DERL3: variants seen among roughly 807,000 people sequenced by gnomAD.
DERL3 encodes derlin 3.
A neutral mutation model predicts 23.8 loss-of-function variants in DERL3; 20 were observed. The observed-to-expected ratio is 0.84, with a 90% CI of 0.59 to 1.22. The LOEUF (loss-of-function observed/expected upper bound fraction) is 1.22. Among genes scored for constraint, DERL3 ranks in the 50% most tolerant of loss-of-function variants. The pLI is 0.00. For missense variants in DERL3, 319 were observed against 304.1 expected, an observed-to-expected ratio of 1.05 and a Z score of -0.36; for synonymous variants, 145 against 132.5, an observed-to-expected ratio of 1.09 and a Z score of -0.65.
chr22:23,838,703 G>A lies in DERL3; in HGVS notation c.159+8C>T. The A allele has an allele frequency of 1.9e-6, 3 of 1,549,452 alleles. No individual in the cohort carries two copies. The highest frequency in any genetic ancestry group is 2.6e-6 in the Non-Finnish European group (3 of 1,146,286). On this transcript the variant is annotated splice_region_variant and intron_variant, in intron 2 of 6. Coordinates refer to ENST00000318109, the MANE Select transcript of DERL3 (RefSeq NM_001002862.3). ...GGCCCACAGGTGCGCGGCGCGGGGC[G>A]GCCTCACCTGGAACTTCCGGAACAC...
rs769554696 is a variant in DERL3, at chr22:23,838,477, C to T, written c.234-32G>A. 6 of 1,581,030 alleles carry T rather than the reference C, an allele frequency of 3.8e-6. No homozygotes were observed. In the East Asian group the frequency reaches 1.2e-4, roughly 31 times the overall value. ...CGTCGGTATAGGAAGTGCCACCAGGCGGGGCCTCAGTTTCCCCGTCCCGGC... is the reference window on the plus strand; with the variant it reads ...CGTCGGTATAGGAAGTGCCACCAGGTGGGGCCTCAGTTTCCCCGTCCCGGC... On this transcript the variant is annotated intron_variant, in intron 3 of 6. Transcript: ENST00000318109.
In DERL3 at chr22:23,836,745, C is replaced by T; in HGVS notation, c.*124G>A. ...GTGGGCCAAGAGACTGCAGCTCATTCTGTTTATTCAGGTGGGCCCTTGCAT... is the reference window on the plus strand; with the variant it reads ...GTGGGCCAAGAGACTGCAGCTCATTTTGTTTATTCAGGTGGGCCCTTGCAT... On this transcript the variant is annotated 3_prime_UTR_variant, in exon 7 of 7. Coordinates refer to ENST00000318109, the MANE Select transcript of DERL3 (RefSeq NM_001002862.3). 1 of 1,372,176 alleles carries T rather than the reference C, an allele frequency of 7.3e-7. No homozygotes were observed. The highest frequency in any genetic ancestry group is 2.9e-5 in the East Asian group (1 of 34,572). The allele number at this position is 1,372,176 out of a possible 1,614,324, so 85.0% of individuals were successfully genotyped here.
Position 23,837,632 on chromosome 22 carries a change from G to A in DERL3, c.523+27C>T, listed in dbSNP as rs5760063. On this transcript the variant is annotated intron_variant, in intron 5 of 6. Coordinates refer to ENST00000318109, the MANE Select transcript of DERL3 (RefSeq NM_001002862.3). ...TCCTGAGGGGAGTGGCCAGCCTGGG[G>A]CGGACTAGATGTACCGGGAGGCTCA... 5.2e-3 allele frequency: 8,380 copies of A among 1,602,996 alleles called. 255 individuals are homozygous for A. In the East Asian group the frequency reaches 0.08, roughly 15 times the overall value.
At chr22:23,838,862 C>G in intron 1 of DERL3, 33 bp downstream of exon 1, 1 of 1,551,232 alleles carries the variant, frequency 6.4e-7, no homozygotes, top group Non-Finnish European at 8.7e-7. Flanking sequence ...GAGGCTGTAA[C>G]CAAGGCGACG....
rs1030011812 is a variant in DERL3 at position 23,835,925 on chromosome 22, C to T, written c.*944G>A. On this transcript the variant is annotated 3_prime_UTR_variant, in exon 7 of 7. Transcript: ENST00000318109. ...ATCTCCACAAGGTCTGGCTACAACA[C>T]GGAGGGCAGACTCAACAGAGAACAG... The T allele has an allele frequency of 3.0e-5, 30 of 985,482 alleles. No homozygotes were observed. Among genetic ancestry groups the T allele is most frequent in the Middle Eastern group, 5.2e-4 (1 of 1,914 alleles). The allele number at this position is 985,482 out of a possible 1,614,324, so 61.0% of individuals were successfully genotyped here. A position where few individuals can be genotyped will look rare whatever the true frequency, so the allele number is the denominator to read the frequency against.
Position 23,835,117 on chromosome 22 carries a change from C to T in DERL3, c.*1752G>A, listed in dbSNP as rs998694062. The T allele has an allele frequency of 1.5e-5, 20 of 1,370,494 alleles. No homozygotes were observed. The African/African-American group carries it at 2.8e-4, about 19-fold the overall frequency. 84.9% of individuals were successfully genotyped at this position (1,370,494 alleles called of 1,614,324 possible). On this transcript the variant is annotated 3_prime_UTR_variant, in exon 7 of 7. Coordinates refer to ENST00000318109, the MANE Select transcript of DERL3 (RefSeq NM_001002862.3). Reference sequence around the variant, plus strand: ...AGCTGTGAGGAATATGGGAATAGCCCTCCCGGCCTGGTGCCAGCTCTTGGA... The same window carrying T: ...AGCTGTGAGGAATATGGGAATAGCCTTCCCGGCCTGGTGCCAGCTCTTGGA...
chr22:23,836,543 AAAAGCTCTGCCTGGCAACCTGTGAGCTC>A lies in DERL3; in HGVS notation c.*298_*325del, dbSNP rs2031063503. On this transcript the variant is annotated 3_prime_UTR_variant, in exon 7 of 7. Coordinates refer to ENST00000318109, the MANE Select transcript of DERL3 (RefSeq NM_001002862.3). ...CCCTGAGCCTGTCACCTGTGAGCTC[AAAAGCTCTGCCTGGCAACCTGTGAGCTC>A]AAAGCTCTGCCAGGCAACCATGGGC... The A allele has an allele frequency of 6.6e-6, 7 of 1,061,966 alleles. No individual in the cohort carries two copies. Among genetic ancestry groups the A allele is most frequent in the Middle Eastern group, 4.2e-4 (1 of 2,360 alleles). The allele number at this position is 1,061,966 out of a possible 1,614,324, so 65.8% of individuals were successfully genotyped here. A position where few individuals can be genotyped will look rare whatever the true frequency, so the allele number is the denominator to read the frequency against.
In DERL3 at chr22:23,835,141, G is replaced by C; in HGVS notation, c.*1728C>G. Reference sequence around the variant, plus strand: ...CCTCCCGGCCTGGTGCCAGCTCTTGGAGTTGACACGGTACAGGGAGGAGAC... The same window carrying C: ...CCTCCCGGCCTGGTGCCAGCTCTTGCAGTTGACACGGTACAGGGAGGAGAC... On this transcript the variant is annotated 3_prime_UTR_variant, in exon 7 of 7. Transcript: ENST00000318109. The C allele has an allele frequency of 4.4e-6, 6 of 1,367,910 alleles. No individual in the cohort carries two copies. Among genetic ancestry groups the C allele is most frequent in the Non-Finnish European group, 5.6e-6 (6 of 1,063,480 alleles). The allele number at this position is 1,367,910 out of a possible 1,614,324, so 84.7% of individuals were successfully genotyped here. A position where few individuals can be genotyped will look rare whatever the true frequency, so the allele number is the denominator to read the frequency against.
chr22:23,836,881 G>C lies in DERL3; in HGVS notation c.696C>G (p.Pro232=). Residue 232 remains proline, a synonymous_variant, in exon 7 of 7, where the codon CCC becomes CCG. Transcript: ENST00000318109. ...PEEQPGPHLP[P]PQQ ...CCCTGGGTGGGGGTCACTGCTGCGG[G>C]GGTGGCAGATGGGGTCCTGGCTGTT... 6.8e-7 allele frequency: 1 copy of C among 1,476,626 alleles called. No individual in the cohort carries two copies. The highest frequency in any genetic ancestry group is 9.0e-7 in the Non-Finnish European group (1 of 1,111,788). The allele number at this position is 1,476,626 out of a possible 1,614,324, so 91.5% of individuals were successfully genotyped here.
intron 5 of DERL3, 41 bp from the exon 6 acceptor site, chr22:23,837,195 C>T (rs376608856): frequency 1.9e-6 from 3 of 1,609,072 alleles, no homozygotes; most frequent in Admixed American, 1.7e-5. Context: ...CCTCCACAGC[C>T]CAGAGTCCTA....
In DERL3 at chr22:23,838,993, C is replaced by T. The variant is rs376679563; in HGVS notation, c.-6G>A. On this transcript the variant is annotated 5_prime_UTR_variant, in exon 1 of 7. Transcript: ENST00000318109. Reference sequence around the variant, plus strand: ...GCTAGTCCCTGCCACGCCATTGAACCTTCTCAAGCACGCGTGGCCCAGCCA... The same window carrying T: ...GCTAGTCCCTGCCACGCCATTGAACTTTCTCAAGCACGCGTGGCCCAGCCA... 1.3e-6 allele frequency: 2 copies of T among 1,567,210 alleles called. No individual in the cohort carries two copies. The highest frequency in any genetic ancestry group is 2.3e-5 in the East Asian group (1 of 42,690).
At position 23,834,771 on chromosome 22, in the gene DERL3, G is replaced by A; in HGVS notation, c.*2098C>T. The A allele has an allele frequency of 7.0e-7, 1 of 1,436,004 alleles. No homozygotes were observed. The highest frequency in any genetic ancestry group is 1.2e-5 in the South Asian group (1 of 80,510). 89.0% of individuals were successfully genotyped at this position (1,436,004 alleles called of 1,614,324 possible). ...GAGAAGAGTAGCTGTGAGGCTCAGG[G>A]CAAGAGGCTCTCTGCCTTTCAGGAA... On this transcript the variant is annotated 3_prime_UTR_variant, in exon 7 of 7. Transcript: ENST00000318109.
rs143512856 is a variant in DERL3 at position 23,838,398 on chromosome 22, G to A, written c.281C>T (p.Thr94Met). The A allele has an allele frequency of 2.5e-6, 4 of 1,609,896 alleles. No individual in the cohort carries two copies. Among genetic ancestry groups the A allele is most frequent in the Admixed American group, 1.7e-5 (1 of 59,550 alleles). Residue 94 changes from threonine (T) to methionine (M), a missense_variant, in exon 4 of 7, where the codon ACG (threonine) becomes ATG (methionine). Transcript: ENST00000318109. ...MLEEGSFRGR[T>M]ADFVFMFLFG... ...GAGAAACATGAAGACGAAGTCGGCC[G>A]TGCGGCCGCGGAAGGAGCCCTCTTC...
chr22:23,834,858 C>G lies in DERL3; in HGVS notation c.*2011G>C. 1 of 1,612,504 alleles carries G rather than the reference C, an allele frequency of 6.2e-7. No homozygotes were observed. Among genetic ancestry groups the G allele is most frequent in the Non-Finnish European group, 8.5e-7 (1 of 1,179,770 alleles). On this transcript the variant is annotated 3_prime_UTR_variant, in exon 7 of 7. Coordinates refer to ENST00000318109, the MANE Select transcript of DERL3 (RefSeq NM_001002862.3). ...AGGTGCCGCGAGCTCTCCTGCCGTC[C>G]CTGGGCCGCCCTGGCTCTGCTGTGT...
rs1269526398 is a variant in DERL3 at position 23,834,780 on chromosome 22, T to G, written c.*2089A>C. On this transcript the variant is annotated 3_prime_UTR_variant, in exon 7 of 7. Coordinates refer to ENST00000318109, the MANE Select transcript of DERL3 (RefSeq NM_001002862.3). ...AGCTGTGAGGCTCAGGGCAAGAGGC[T>G]CTCTGCCTTTCAGGAACAGCCCTAA... 5 of 1,572,090 alleles carry G rather than the reference T, an allele frequency of 3.2e-6. No homozygotes were observed. The highest frequency in any genetic ancestry group is 4.5e-5 in the East Asian group (2 of 44,512).
Position 23,836,160 on chromosome 22 carries a change from C to T in DERL3, c.*709G>A. ...GAACCTTCCAGAAGTCCCTGCCTCA[C>T]CCAGTCTCAGAACTCTGCTAAGGTG... On this transcript the variant is annotated 3_prime_UTR_variant, in exon 7 of 7. Coordinates refer to ENST00000318109, the MANE Select transcript of DERL3 (RefSeq NM_001002862.3). 2 of 985,480 alleles carry T rather than the reference C, an allele frequency of 2.0e-6. No individual in the cohort carries two copies. Among genetic ancestry groups the T allele is most frequent in the Non-Finnish European group, 2.4e-6 (2 of 829,952 alleles). The allele number at this position is 985,480 out of a possible 1,614,324, so 61.0% of individuals were successfully genotyped here.
Position 23,834,537 on chromosome 22 carries a change from CAA to C in DERL3, c.*2330_*2331del. On this transcript the variant is annotated 3_prime_UTR_variant, in exon 7 of 7. Coordinates refer to ENST00000318109, the MANE Select transcript of DERL3 (RefSeq NM_001002862.3). ...TTCAACAGGTCATGTTCAATTTCTTCAAAGTTTTAACATAAAAATAATGAGAG... is the reference window on the plus strand; with the variant it reads ...TTCAACAGGTCATGTTCAATTTCTTCAGTTTTAACATAAAAATAATGAGAG... The C allele has an allele frequency of 1.5e-6, 1 of 676,764 alleles. No individual in the cohort carries two copies. The allele number at this position is 676,764 out of a possible 1,614,324, so 41.9% of individuals were successfully genotyped here. A position where few individuals can be genotyped will look rare whatever the true frequency, so the allele number is the denominator to read the frequency against.
rs750362490 is a variant in DERL3 at position 23,837,749 on chromosome 22, C to T, written c.433G>A (p.Gly145Ser). 45 of 1,614,000 alleles carry T rather than the reference C, an allele frequency of 2.8e-5. No individual in the cohort carries two copies. In the Middle Eastern group the frequency reaches 6.6e-4, roughly 24 times the overall value. Residue 145 changes from glycine to serine, a missense_variant, in exon 5 of 7, where the codon GGC (glycine) becomes AGC (serine). By Grantham distance (56) the Gly-to-Ser change is moderately conservative. Transcript: ENST00000318109. ...RSPRVRVNFF[G>S]LLTFQAPFLP... Reference sequence around the variant, plus strand: ...AACGGTGCCTGGAAAGTGAGCAGGCCGAAGAAGTTGACCCTCACCCGAGGG... The same window carrying T: ...AACGGTGCCTGGAAAGTGAGCAGGCTGAAGAAGTTGACCCTCACCCGAGGG...
Position 23,837,682 on chromosome 22 carries a change from T to G in DERL3, c.500A>C (p.Asn167Thr), listed in dbSNP as rs1474975885. The G allele has an allele frequency of 1.9e-6, 3 of 1,612,972 alleles. No individual in the cohort carries two copies. The highest frequency in any genetic ancestry group is 1.7e-5 in the Admixed American group (1 of 59,952). The change falls in exon 5 of 7, where the codon AAC becomes ACC. Residue 167 changes from asparagine (N) to threonine (T), a missense_variant. Coordinates refer to ENST00000318109, the MANE Select transcript of DERL3 (RefSeq NM_001002862.3). The stretch of plus-strand genomic sequence containing the variant: ...ACCCAGCAGGTCCACGAGGATGGAG[T>G]TGCCCAGCAGCAGCGAGAAGCCCAT... Reference protein sequence around the residue: ...ALMGFSLLLGNSILVDLLGIA... With the variant: ...ALMGFSLLLGTSILVDLLGIA...
Sources: gnomAD v4.1 joint callset for allele counts on GRCh38, gnomAD v4.1.1 for gene constraint, MANE v1.5 for transcripts, NCBI Gene and HGNC (gene_info 2026-07-23, HGNC 2026-07-21) for gene names.